The following CTU2 variants were observed in gnomAD, a reference collection of about 807,000 sequenced individuals.
CTU2 encodes cytoplasmic tRNA 2-thiolation protein 2.
CTU2 carries 80 observed loss-of-function variants against 64.1 expected under a neutral mutation model. The ratio of observed to expected loss-of-function variants is 1.25; its 90% CI spans 1.04 to 1.50. CTU2 has a LOEUF of 1.50. CTU2 is among the 40% of genes most tolerant of loss of function. CTU2 has a pLI of 0.00. For missense variants in CTU2, 1,110 were observed against 690.2 expected (o/e 1.61, Z -6.81); for synonymous variants, 482 against 285.3 (o/e 1.69, Z -6.95).
In CTU2 at chr16:88,714,747, T is replaced by C. The variant is rs766515138; in HGVS notation, c.1352+10T>C. The C allele has an allele frequency of 1.2e-6, 2 of 1,605,796 alleles. No individual in the cohort carries two copies. Among genetic ancestry groups the C allele is most frequent in the South Asian group, 2.2e-5 (2 of 90,516 alleles). ...AGGGGGCCTGCAGGAGGTGAGTCCC[T>C]GTCCCTGCCACCCATGGCCAGCTGC... is the stretch of plus-strand genomic sequence containing the variant. On this transcript the variant is annotated intron_variant, in intron 12 of 14. Transcript: ENST00000453996.
At chr16:88,713,498 C>T (rs376181849) in intron 8 of CTU2, 51 bp downstream of exon 8, 236 of 1,550,518 alleles carry the variant, frequency 1.5e-4, no homozygotes, top group Middle Eastern at 7.0e-4. Flanking sequence ...TTCACCCCTT[C>T]GGCCACCTTT....
In CTU2 at chr16:88,713,382, C is replaced by T. The variant is rs145888651; in HGVS notation, c.808C>T (p.Arg270Cys). The T allele has an allele frequency of 8.1e-5, 130 of 1,604,542 alleles. No individual in the cohort carries two copies. The highest frequency in any genetic ancestry group is 5.0e-4 in the Middle Eastern group (3 of 6,054). ...SKVMTGDSCT[R>C]LAIKLMTNLA... ...GGTCATGACTGGGGACAGCTGCACA[C>T]GCTTGGCTATCAAGCTCATGACCAA... The change falls in exon 8 of 15, where the codon CGC becomes TGC. Residue 270 changes from arginine to cysteine, a missense_variant. Arg to Cys is a radical substitution (Grantham distance 180, BLOSUM62 -3). Coordinates refer to ENST00000453996, the MANE Select transcript of CTU2 (RefSeq NM_001012759.3).
In CTU2 at chr16:88,713,787, T is replaced by G. The variant is rs747038910; in HGVS notation, c.1005+9T>G. On this transcript the variant is annotated intron_variant, in intron 9 of 14. Coordinates refer to ENST00000453996, the MANE Select transcript of CTU2 (RefSeq NM_001012759.3). ...CAGCCGTCGACACCAAGGTGGGCCT[T>G]GTGGGCTGGGCAACCTCTCTCACCA... The G allele has an allele frequency of 1.2e-6, 2 of 1,611,584 alleles. No individual in the cohort carries two copies. The highest frequency in any genetic ancestry group is 4.5e-5 in the East Asian group (2 of 44,862).
Position 88,712,290 on chromosome 16 carries a change from C to T in CTU2, c.360C>T (p.Gly120=). 2 of 1,604,740 alleles carry T rather than the reference C, an allele frequency of 1.2e-6. No individual in the cohort carries two copies. Among genetic ancestry groups the T allele is most frequent in the Non-Finnish European group, 1.7e-6 (2 of 1,175,554 alleles). ...GTTTTTCAGAGGGAGCAGCCTGTGG[C>T]CAGAGCCTAGAGGAGAGATCAAAGA... ...VIFVDEGAAC[G]QSLEERSKTL... Residue 120 remains glycine (G), a synonymous_variant, in exon 6 of 15, where the codon GGC becomes GGT. Coordinates refer to ENST00000453996, the MANE Select transcript of CTU2 (RefSeq NM_001012759.3).
rs1375956362 is a variant in CTU2, at chr16:88,712,707, G to T, written c.539G>T (p.Ser180Ile). The T allele has an allele frequency of 6.2e-7, 1 of 1,610,174 alleles. No homozygotes were observed. Among genetic ancestry groups the T allele is most frequent in the Admixed American group, 1.7e-5 (1 of 59,894 alleles). Residue 180 changes from serine (S) to isoleucine (I), a missense_variant, in exon 7 of 15, where the codon AGC becomes ATC. Physicochemically the swap from Ser to Ile is moderately radical, Grantham distance 142 (BLOSUM62 -2). Transcript: ENST00000453996. ...SEGAYKAAVD[S>I]FLQQQHVLGA... Reference sequence around the variant, plus strand: ...GGGGCCTACAAGGCGGCCGTGGACAGCTTCCTCCAGCAGCAGCATGTGCTG... The same window carrying T: ...GGGGCCTACAAGGCGGCCGTGGACATCTTCCTCCAGCAGCAGCATGTGCTG...
chr16:88,707,537 A>G (rs561808767), intron 2 of CTU2, among the ~76,000 whole-genome samples: 1 of 152,156 alleles, frequency 6.6e-6, no homozygotes, highest in African/African-American at 2.4e-5. Flanking sequence ...GAATACATCT[A>G]GGGGCGGATC....
intron 9 of CTU2, among the ~76,000 whole-genome samples, 176 bp downstream of exon 9, chr16:88,713,954 A>G (rs1268742737): frequency 6.6e-6 from 1 of 152,154 alleles, no homozygotes; most frequent in African/African-American, 2.4e-5. Context: ...TGGGGGTGAC[A>G]GGAGGACCCC....
At chr16:88,708,700 C>T (rs537301383) in intron 2 of CTU2, among the ~76,000 whole-genome samples, 2 of 152,066 alleles carry the variant, frequency 1.3e-5, no homozygotes, top group Admixed American at 6.5e-5. Flanking sequence ...ATCCATTCAA[C>T]GTAGGGAGGG....
In CTU2 at chr16:88,715,262, G is replaced by A. The variant is rs368298039; in HGVS notation, c.*11G>A. 1.6e-5 allele frequency: 25 copies of A among 1,609,886 alleles called. No individual in the cohort carries two copies. Among genetic ancestry groups the A allele is most frequent in the African/African-American group, 6.7e-5 (5 of 74,930 alleles). ...GCGGGCCAGAGCTGAGCGTGAGGAC[G>A]TGCTTGCCGGGACAGCAGGCAGTGG... On this transcript the variant is annotated 3_prime_UTR_variant, in exon 15 of 15. Transcript: ENST00000453996.
rs140301498 is a variant in CTU2, at chr16:88,712,374, C to T, written c.444C>T (p.Ala148=). ...CTGGGTTCCCATGGCATGTGGTGGC[C>T]TTAGAGGAGGTGGGAGGGCTGTCCC... ...QATGFPWHVV[A]LEEVFSLPPS... The change falls in exon 6 of 15, where the codon GCC becomes GCT. Residue 148 remains alanine (A), a synonymous_variant. Transcript: ENST00000453996. The T allele has an allele frequency of 2.0e-5, 32 of 1,604,876 alleles. No individual in the cohort carries two copies. Among genetic ancestry groups the T allele is most frequent in the Admixed American group, 5.1e-5 (3 of 59,048 alleles).
Position 88,707,219 on chromosome 16 carries a change from T to G in CTU2, c.143+9T>G. 2 of 1,613,488 alleles carry G rather than the reference T, an allele frequency of 1.2e-6. No individual in the cohort carries two copies. The highest frequency in any genetic ancestry group is 1.7e-6 in the Non-Finnish European group (2 of 1,179,578). ...GGAGATGCCTTCTGCAGGTGAGGCC[T>G]GGAGGTGGCTGAGACCCTGGCAAAC... On this transcript the variant is annotated intron_variant, in intron 2 of 14. Coordinates refer to ENST00000453996, the MANE Select transcript of CTU2 (RefSeq NM_001012759.3).
At position 88,713,360 on chromosome 16, in the gene CTU2, C is replaced by G. The variant is rs753284571; in HGVS notation, c.786C>G (p.Val262=). Reference sequence around the variant, plus strand: ...CCCGAGCCCACGGCTACTCCAAGGTCATGACTGGGGACAGCTGCACACGCT... The same window carrying G: ...CCCGAGCCCACGGCTACTCCAAGGTGATGACTGGGGACAGCTGCACACGCT... ...HMARAHGYSK[V]MTGDSCTRLA... Residue 262 remains valine (V), a synonymous_variant, in exon 8 of 15, where the codon GTC becomes GTG. Transcript: ENST00000453996. The G allele has an allele frequency of 1.9e-6, 3 of 1,603,478 alleles. No homozygotes were observed. The highest frequency in any genetic ancestry group is 2.6e-6 in the Non-Finnish European group (3 of 1,176,064).
chr16:88,712,617 G>T lies in CTU2; in HGVS notation c.454-5G>T, dbSNP rs781731590. The T allele has an allele frequency of 1.2e-6, 2 of 1,608,732 alleles. No homozygotes were observed. The highest frequency in any genetic ancestry group is 1.1e-5 in the South Asian group (1 of 90,738). On this transcript the variant is annotated splice_region_variant and splice_polypyrimidine_tract_variant and intron_variant, in intron 6 of 14. Coordinates refer to ENST00000453996, the MANE Select transcript of CTU2 (RefSeq NM_001012759.3). Reference sequence around the variant, plus strand: ...GCCTCACTGGCGTCTCCCTCATCCCGGAAGGTGTTCAGCCTGCCACCGTCG... The same window carrying T: ...GCCTCACTGGCGTCTCCCTCATCCCTGAAGGTGTTCAGCCTGCCACCGTCG...
Position 88,713,642 on chromosome 16 carries a change from C to T in CTU2, c.874-5C>T, listed in dbSNP as rs111377059. The T allele has an allele frequency of 7.2e-5, 116 of 1,611,344 alleles. No individual in the cohort carries two copies. Among genetic ancestry groups the T allele is most frequent in the Middle Eastern group, 6.6e-4 (4 of 6,048 alleles). Reference sequence around the variant, plus strand: ...CCTGGACCACACAGCCCCTGCCTCCCGCAGGGCTTCTCGGATGAGCGGCAC... The same window carrying T: ...CCTGGACCACACAGCCCCTGCCTCCTGCAGGGCTTCTCGGATGAGCGGCAC... On this transcript the variant is annotated splice_region_variant and splice_polypyrimidine_tract_variant and intron_variant, in intron 8 of 14. Coordinates refer to ENST00000453996, the MANE Select transcript of CTU2 (RefSeq NM_001012759.3).
At chr16:88,707,246 T>C (rs948045107) in intron 2 of CTU2, 36 bp downstream of exon 2, 1 of 1,593,022 alleles carries the variant, frequency 6.3e-7, no homozygotes, top group Non-Finnish European at 8.6e-7. Context: ...CTGGCAAACA[T>C]GGCCTCGCTA....
At chr16:88,707,389 C>T (rs576043690) in intron 2 of CTU2, among the ~76,000 whole-genome samples, 179 bp downstream of exon 2, 1 of 152,210 alleles carries the variant, frequency 6.6e-6, no homozygotes, top group Non-Finnish European at 1.5e-5. Flanking sequence ...TGGTTTCCTG[C>T]TTGGGAAAGT....
In CTU2 at chr16:88,712,687, C is replaced by G; in HGVS notation, c.519C>G (p.Ala173=). The change falls in exon 7 of 15, where the codon GCC becomes GCG. Residue 173 remains alanine (A), a synonymous_variant. Transcript: ENST00000453996. ...AGGAGCTGGTGGGATCCGAGGGGGC[C>G]TACAAGGCGGCCGTGGACAGCTTCC... ...SAQELVGSEG[A]YKAAVDSFLQ... 4 of 1,610,546 alleles carry G rather than the reference C, an allele frequency of 2.5e-6. No homozygotes were observed. Among genetic ancestry groups the G allele is most frequent in the Non-Finnish European group, 2.5e-6 (3 of 1,179,510 alleles).
chr16:88,711,975 C>T (rs544250665), intron 5 of CTU2: 249 of 606,816 alleles, frequency 4.1e-4, no homozygotes, highest in Non-Finnish European at 6.1e-4. Flanking sequence ...GCCCCCATCA[C>T]GGGGTCTGGG....
Position 88,714,122 on chromosome 16 carries a change from C to A in CTU2, c.1006-14C>A, listed in dbSNP as rs368302599. On this transcript the variant is annotated splice_polypyrimidine_tract_variant and intron_variant, in intron 9 of 14. Transcript: ENST00000453996. ...TCTGGGCTTTCCCATAGCCTCCAAT[C>A]TGATTGTCCCTAGGCCCCTGAAAAG... The A allele has an allele frequency of 1.9e-6, 3 of 1,611,532 alleles. No individual in the cohort carries two copies. The highest frequency in any genetic ancestry group is 8.5e-7 in the Non-Finnish European group (1 of 1,179,028).
Sources: gnomAD v4.1 joint callset for allele counts (sites outside exome capture counted in the v4.1 genomes callset) on GRCh38, gnomAD v4.1.1 for gene constraint, MANE v1.5 for transcripts, NCBI Gene and HGNC (gene_info 2026-07-23, HGNC 2026-07-21) for gene names.